ATP10A: variants seen among roughly 807,000 people sequenced by gnomAD.
ATP10A encodes ATPase phospholipid transporting 10A (putative), also known as phospholipid-transporting ATPase VA.
ATP10A carries 111 observed loss-of-function variants against 147.8 expected under a neutral mutation model. The ratio of observed to expected loss-of-function variants is 0.75; its 90% CI spans 0.64 to 0.88. The LOEUF is 0.88. Ranked by LOEUF, ATP10A falls within the 40% of genes least tolerant of loss-of-function variation. The pLI, the probability that ATP10A is intolerant of heterozygous loss-of-function variation, is 0.00. For missense variants in ATP10A, 1,927 were observed against 1,959.0 expected (o/e 0.98, Z 0.31); for synonymous variants, 875 against 841.6 (o/e 1.04, Z -0.69).
At chr15:25,864,049 G>A (rs1448581891), upstream of ATP10A, among the ~76,000 whole-genome samples, 1 of 152,012 alleles carries the variant, frequency 6.6e-6, no homozygotes, top group Non-Finnish European at 1.5e-5. Context: ...AAATCATGAG[G>A]ACCGAAACGC....
chr15:25,734,499 G>A (rs1378837430), intron 3 of ATP10A, among the ~76,000 whole-genome samples: 4 of 152,198 alleles, frequency 2.6e-5, no homozygotes, highest in East Asian at 1.9e-4. Flanking sequence ...TAGCCAACTC[G>A]TGCCTGGGGA....
intron 1 of ATP10A, among the ~76,000 whole-genome samples, chr15:25,836,556 C>G (rs1331885295): frequency 6.6e-6 from 1 of 152,206 alleles, no homozygotes; most frequent in East Asian, 1.9e-4. Flanking sequence ...CCCAAGTGAA[C>G]ATCAAGGCTG....
rs530487356 is a variant in ATP10A at position 25,838,678 on chromosome 15, C to T, written c.449+23970G>A. On this transcript the variant is annotated intron_variant, in intron 1 of 20. Coordinates refer to ENST00000555815, the MANE Select transcript of ATP10A (RefSeq NM_024490.4). ...TTTAAACTCACTATGCAACAGAGTC[C>T]CTCGGGGCTTTTTAAGAGAAGCAGC... is the stretch of plus-strand genomic sequence containing the variant. 6.6e-4 allele frequency among the ~76,000 whole-genome samples: 100 copies of T among 152,212 alleles called. 1 individual carries two copies. Among genetic ancestry groups the T allele is most frequent in the Middle Eastern group, 6.8e-3 (2 of 292 alleles).
intron 1 of ATP10A, among the ~76,000 whole-genome samples, chr15:25,783,038 T>A (rs1890001113): frequency 6.6e-6 from 1 of 151,678 alleles, no homozygotes; most frequent in Non-Finnish European, 1.5e-5. Context: ...TAGTTGGGCA[T>A]GGTGGCACGA....
chr15:25,799,100 C>T (rs1270281668), intron 1 of ATP10A, among the ~76,000 whole-genome samples: 10 of 152,168 alleles, frequency 6.6e-5, no homozygotes, highest in Admixed American at 5.2e-4. Context: ...CACTAGTCAT[C>T]GATGACTTCA....
intron 12 of ATP10A, among the ~76,000 whole-genome samples, chr15:25,704,574 G>C (rs1900864136): frequency 2.0e-5 from 3 of 152,188 alleles, no homozygotes; most frequent in Non-Finnish European, 4.4e-5. Flanking sequence ...GGAGCTATTT[G>C]GTCAAACTCA....
chr15:25,814,345 C>G (rs182710548), intron 1 of ATP10A, among the ~76,000 whole-genome samples: 1 of 152,302 alleles, frequency 6.6e-6, no homozygotes, highest in East Asian at 1.9e-4. Flanking sequence ...CAAAGACATT[C>G]ATCATGGGCA....
chr15:25,863,350 C>T (rs1056372314), upstream of ATP10A: 1 of 162,484 alleles, frequency 6.2e-6, no homozygotes, highest in Non-Finnish European at 1.3e-5. Context: ...CACAGAGCCC[C>T]CTTGTCCTCG....
In ATP10A at chr15:25,713,934, G is replaced by A. The variant is rs758536427; in HGVS notation, c.2084C>T (p.Ala695Val). 5.0e-5 allele frequency: 81 copies of A among 1,611,536 alleles called. No homozygotes were observed. The highest frequency in any genetic ancestry group is 6.5e-5 in the Non-Finnish European group (77 of 1,180,022). ...CAGTGCGGCCTCATCCGGGCTCTCC[G>A]CCTCGTACCGCAGCTCGCGCTCTGA... ...QESERELRYE[A>V]ESPDEAALVY... Residue 695 changes from alanine to valine, a missense_variant, in exon 10 of 21, where the codon GCG (alanine) becomes GTG (valine). Ala to Val is a moderately conservative substitution (Grantham distance 64). Transcript: ENST00000555815.
intron 15 of ATP10A, among the ~76,000 whole-genome samples, chr15:25,689,837 AGGCATGGCAGCTCC>A: frequency 6.6e-6 from 1 of 152,346 alleles, no homozygotes; most frequent in Non-Finnish European, 1.5e-5. Flanking sequence ...GGAGGAGAGC[AGGCATGGCAGCTCC>A]GGCCCCTCCC....
At chr15:25,818,831 A>G (rs1891768930) in intron 1 of ATP10A, among the ~76,000 whole-genome samples, 1 of 152,188 alleles carries the variant, frequency 6.6e-6, no homozygotes, top group African/African-American at 2.4e-5. Context: ...ACGTAACACC[A>G]GGAAAAAGGA....
intron 2 of ATP10A, among the ~76,000 whole-genome samples, chr15:25,740,820 C>G (rs556667587): frequency 5.9e-5 from 9 of 152,314 alleles, no homozygotes; most frequent in African/African-American, 2.2e-4. Flanking sequence ...CAGCTGCTGC[C>G]CTACAGAATG....
intron 13 of ATP10A, among the ~76,000 whole-genome samples, chr15:25,700,977 A>G (rs1034088874): frequency 6.6e-6 from 1 of 151,014 alleles, no homozygotes; most frequent in Non-Finnish European, 1.5e-5. Context: ...AAGCAGGGTG[A>G]CCTTGCATAG....
Position 25,694,809 on chromosome 15 carries a change from G to C in ATP10A, c.3088+10C>G, listed in dbSNP as rs1567306224. 6.3e-7 allele frequency: 1 copy of C among 1,597,422 alleles called. No homozygotes were observed. ...TGGGAGGAGGCCGTCTGGCCAGCTG[G>C]GATACTTGCCTATGGCCAGGGTCAT... On this transcript the variant is annotated intron_variant, in intron 14 of 20. Transcript: ENST00000555815.
At chr15:25,834,535 G>A (rs1246393883) in intron 1 of ATP10A, among the ~76,000 whole-genome samples, 2 of 152,198 alleles carry the variant, frequency 1.3e-5, no homozygotes, top group African/African-American at 2.4e-5. Context: ...GGAACCCTCG[G>A]AGAACTGCTG....
At chr15:25,790,665 G>A (rs748460520) in intron 1 of ATP10A, among the ~76,000 whole-genome samples, 4 of 152,204 alleles carry the variant, frequency 2.6e-5, no homozygotes, top group African/African-American at 7.2e-5. Context: ...AAAGCAAAAC[G>A]ATGCCTAAAC....
intron 13 of ATP10A, among the ~76,000 whole-genome samples, chr15:25,700,934 A>T (rs531182634): frequency 1.3e-5 from 2 of 152,048 alleles, no homozygotes; most frequent in African/African-American, 4.8e-5. Context: ...TCACTTAAAA[A>T]AAAAAAAGGC....
intron 2 of ATP10A, among the ~76,000 whole-genome samples, chr15:25,778,349 G>A (rs1889729196): frequency 6.6e-6 from 1 of 152,116 alleles, no homozygotes. Context: ...AATGTTCTTG[G>A]CATTTGTGGT....
At chr15:25,860,992 G>A (rs1893733708) in intron 1 of ATP10A, among the ~76,000 whole-genome samples, 1 of 152,296 alleles carries the variant, frequency 6.6e-6, no homozygotes, top group African/African-American at 2.4e-5. Flanking sequence ...CTATGTGGTG[G>A]AGGCCTCGCT....
Sources: gnomAD v4.1 joint callset for allele counts (sites outside exome capture counted in the v4.1 genomes callset) on GRCh38, gnomAD v4.1.1 for gene constraint, MANE v1.5 for transcripts, NCBI Gene and HGNC (gene_info 2026-07-23, HGNC 2026-07-21) for gene names.